The following MED13 variants were observed in gnomAD, a reference collection of about 807,000 sequenced individuals.
The protein encoded by MED13 is mediator of RNA polymerase II transcription subunit 13.
A neutral mutation model predicts 225.2 loss-of-function variants in MED13; 23 were observed. The observed-to-expected ratio is 0.10, with a 90% confidence interval of 0.07 to 0.14. The LOEUF (loss-of-function observed/expected upper bound fraction) is 0.14, where lower values mean the gene tolerates loss of function less well. Ranked by LOEUF, MED13 falls within the 10% of genes least tolerant of loss-of-function variation. The pLI, the probability that MED13 is intolerant of heterozygous loss-of-function variation, is 1.00. For missense variants in MED13, 2,197 were observed against 2,594.5 expected (o/e 0.85, Z 3.33); for synonymous variants, 942 against 889.2 (o/e 1.06, Z -1.06).
At position 61,943,155 on chromosome 17, in the gene MED13, A is replaced by G. The variant is rs1360942110; in HGVS notation, c.*3313T>C. 2 of 152,536 alleles carry G rather than the reference A, an allele frequency of 1.3e-5. No individual in the cohort carries two copies. The highest frequency in any genetic ancestry group is 2.9e-5 in the Non-Finnish European group (2 of 67,998). 9.4% of individuals were successfully genotyped at this position (152,536 alleles called of 1,614,324 possible). On this transcript the variant is annotated 3_prime_UTR_variant, in exon 30 of 30. Coordinates refer to ENST00000397786, the MANE Select transcript of MED13 (RefSeq NM_005121.3). ...CTTATTTCTGGAGGGGTGGGACAAAATAAGAATGTATATTAAAAACATTTT... is the reference window on the plus strand; with the variant it reads ...CTTATTTCTGGAGGGGTGGGACAAAGTAAGAATGTATATTAAAAACATTTT...
chr17:62,003,078 T>C (rs1429514294), intron 9 of MED13, among the ~76,000 whole-genome samples: 1 of 152,114 alleles, frequency 6.6e-6, no homozygotes, highest in East Asian at 1.9e-4. Context: ...TGGAGGGATA[T>C]AAAATTGCCC....
At chr17:62,016,081 G>A (rs2080577285) in intron 8 of MED13, among the ~76,000 whole-genome samples, 1 of 141,328 alleles carries the variant, frequency 7.1e-6, no homozygotes, top group African/African-American at 2.7e-5. Flanking sequence ...TGGGATTACA[G>A]GCATGAGCCA....
At chr17:62,041,774 G>A (rs1006005328) in intron 3 of MED13, among the ~76,000 whole-genome samples, 2 of 152,044 alleles carry the variant, frequency 1.3e-5, no homozygotes, top group African/African-American at 2.4e-5. Flanking sequence ...GTAGAGATGA[G>A]GTCTCACTAT....
intron 28 of MED13, 135 bp downstream of exon 28, chr17:61,950,690 G>T (rs1037237997): frequency 6.9e-6 from 6 of 871,540 alleles, no homozygotes; most frequent in Non-Finnish European, 8.5e-6. Flanking sequence ...TCGTGATCTT[G>T]TTTAAAGAGT....
intron 3 of MED13, among the ~76,000 whole-genome samples, chr17:62,036,190 T>C (rs1234327143): frequency 6.6e-6 from 1 of 152,078 alleles, no homozygotes; most frequent in Non-Finnish European, 1.5e-5. Context: ...TTTGCCTATT[T>C]TCCCCTCTAT....
intron 8 of MED13, among the ~76,000 whole-genome samples, chr17:62,014,159 C>T (rs532783019): frequency 1.1e-4 from 17 of 151,954 alleles, no homozygotes; most frequent in South Asian, 2.1e-4. Flanking sequence ...CTCTCTCTGA[C>T]GTAACATAAT....
chr17:62,054,796 T>C (rs1202943058), intron 2 of MED13, among the ~76,000 whole-genome samples: 1 of 152,196 alleles, frequency 6.6e-6, no homozygotes, highest in Non-Finnish European at 1.5e-5. Context: ...TTCACCTCTT[T>C]ACAATCAATT....
chr17:62,060,620 G>C (rs117344372), intron 2 of MED13, among the ~76,000 whole-genome samples: 1 of 146,148 alleles, frequency 6.8e-6, no homozygotes, highest in African/African-American at 2.5e-5. Context: ...ACTCCAGCCC[G>C]CGGGACAGAA....
At position 62,033,844 on chromosome 17, in the gene MED13, T is replaced by C. The variant is rs768925588; in HGVS notation, c.757A>G (p.Lys253Glu). Residue 253 changes from lysine to glutamate, a missense_variant, in exon 5 of 30, where the codon AAA becomes GAA. Transcript: ENST00000397786. ...TCTTCCCAATCCATATCTTCCTGTT[T>C]TTCTTCAGACATCTCCTTCAAGCAA... ...SCCLKEMSEEKQEDMDWEDDS... is the reference protein window; with the variant it reads ...SCCLKEMSEEEQEDMDWEDDS... 7.4e-5 allele frequency: 119 copies of C among 1,614,132 alleles called. 1 individual carries two copies. In the South Asian group the frequency reaches 1.1e-3, roughly 15 times the overall value.
chr17:62,043,156 CAAAAAAAAAAAAAA>C (rs764530614), intron 3 of MED13, among the ~76,000 whole-genome samples: 56 of 31,672 alleles, frequency 1.8e-3, no homozygotes, highest in Admixed American at 4.7e-3. Flanking sequence ...ACCCTGTCTC[CAAAAAAAAAAAAAA>C]AAAAAAAAAA....
chr17:62,011,134 C>T lies in MED13; in HGVS notation c.1383G>A (p.Lys461=), dbSNP rs769238396. The part of the protein sequence containing the change: ...QILPKHKTNE[K]QEKSEKPQKR... ...TCTGTGGCTTTTCACTCTTTTCTTG[C>T]TTCTCATTGGTCTTGTGCTTAGGAA... The change falls in exon 9 of 30, where the codon AAG becomes AAA. Residue 461 remains lysine, a synonymous_variant. Coordinates refer to ENST00000397786, the MANE Select transcript of MED13 (RefSeq NM_005121.3). 4 of 1,614,192 alleles carry T rather than the reference C, an allele frequency of 2.5e-6. No individual in the cohort carries two copies. Among genetic ancestry groups the T allele is most frequent in the Admixed American group, 1.7e-5 (1 of 60,020 alleles).
intron 6 of MED13, 61 bp from the exon 7 acceptor site, chr17:62,030,074 T>C: frequency 7.4e-7 from 1 of 1,346,216 alleles, no homozygotes; most frequent in Non-Finnish European, 9.7e-7. Flanking sequence ...AGTAACATTA[T>C]TTGGGTTTTT....
intron 3 of MED13, among the ~76,000 whole-genome samples, chr17:62,050,102 T>C (rs2080942585): frequency 6.6e-6 from 1 of 152,134 alleles, no homozygotes; most frequent in Non-Finnish European, 1.5e-5. Context: ...CTCATGCCTG[T>C]AATCCCAGCA....
chr17:62,002,870 A>G (rs1238105407), intron 9 of MED13, among the ~76,000 whole-genome samples: 1 of 152,212 alleles, frequency 6.6e-6, no homozygotes. Flanking sequence ...TTCTGTTACA[A>G]GTTATTCATT....
chr17:61,989,638 T>C (rs2080278373), intron 11 of MED13, among the ~76,000 whole-genome samples: 1 of 152,226 alleles, frequency 6.6e-6, no homozygotes, highest in African/African-American at 2.4e-5. Context: ...GCACCTGGCC[T>C]ATTTATTGTT....
Position 61,952,979 on chromosome 17 carries a change from C to T in MED13, c.6103G>A (p.Gly2035Ser). The T allele has an allele frequency of 1.2e-6, 2 of 1,613,464 alleles. No individual in the cohort carries two copies. The highest frequency in any genetic ancestry group is 1.7e-6 in the Non-Finnish European group (2 of 1,179,774). ...AACACAGTTACCTTGCCCGCATCACCTCCATGGGGGTAATGAGATCCTGGA... is the reference window on the plus strand; with the variant it reads ...AACACAGTTACCTTGCCCGCATCACTTCCATGGGGGTAATGAGATCCTGGA... ...HSPGSHYPHG[G>S]DAGKGQSTDR... is the part of the protein sequence containing the mutation. The change falls in exon 27 of 30, where the codon GGT becomes AGT. Residue 2035 changes from glycine to serine, a missense_variant. Gly to Ser is a moderately conservative substitution (Grantham distance 56). This residue lies in a region of MED13 where 216 missense variants were observed against 388.9 expected (regional missense o/e 0.56). Coordinates refer to ENST00000397786, the MANE Select transcript of MED13 (RefSeq NM_005121.3).
At chr17:61,956,006 G>A (rs150226164) in intron 24 of MED13, among the ~76,000 whole-genome samples, 168 bp from the exon 25 acceptor site, 1 of 152,076 alleles carries the variant, frequency 6.6e-6, no homozygotes, top group East Asian at 1.9e-4. Flanking sequence ...AATTCTTACT[G>A]CTGATGCTAC....
At chr17:62,026,263 G>A (rs1219050517) in intron 8 of MED13, among the ~76,000 whole-genome samples, 4 of 152,032 alleles carry the variant, frequency 2.6e-5, no homozygotes, top group Non-Finnish European at 5.9e-5. Context: ...AATTTCTAAA[G>A]AATTCCACGT....
At position 61,956,893 on chromosome 17, in the gene MED13, TC is replaced by T. The variant is rs367614763; in HGVS notation, c.5481-413del. Among the ~76,000 whole-genome samples, 900 of 152,282 alleles carry T rather than the reference TC, an allele frequency of 5.9e-3. 8 individuals carry two copies. The highest frequency in any genetic ancestry group is 0.021 in the African/African-American group (858 of 41,544). ...AACAGATCTCCTTAATTTTAGTGCT[TC>T]ACAAAACCTTTACGTAAGTCCTAAG... is the stretch of plus-strand genomic sequence containing the variant. On this transcript the variant is annotated intron_variant, in intron 23 of 29. Coordinates refer to ENST00000397786, the MANE Select transcript of MED13 (RefSeq NM_005121.3).
Sources: allele counts gnomAD v4.1 joint callset (sites outside exome capture counted in the v4.1 genomes callset), GRCh38; gene constraint gnomAD v4.1.1; regional missense constraint gnomAD v4.1.1; transcripts MANE v1.5; gene names NCBI Gene and HGNC (gene_info 2026-07-23, HGNC 2026-07-21).